The following STARD13 variants were observed in gnomAD, a reference collection of about 807,000 sequenced individuals.
STARD13 encodes StAR related lipid transfer domain containing 13, also known as stAR-related lipid transfer protein 13.
In STARD13, 62 loss-of-function variants were observed where a neutral mutation model predicts 106.4. The observed-to-expected ratio is 0.58, with a 90% CI of 0.48 to 0.72. The LOEUF (loss-of-function observed/expected upper bound fraction) is 0.72, where lower values mean the gene tolerates loss of function less well. Ranked by LOEUF, STARD13 falls within the 30% of genes least tolerant of loss-of-function variation. The probability of loss-of-function intolerance (pLI) is 0.00; values close to 1 mark genes in which losing one functional copy is unlikely to be tolerated. For missense variants in STARD13, 1,387 were observed against 1,424.0 expected, an observed-to-expected ratio of 0.97 and a Z score of 0.42; for synonymous variants, 565 against 553.0, an observed-to-expected ratio of 1.02 and a Z score of -0.31.
chr13:33,163,495 C>A (rs1227456627), intron 3 of STARD13, among the ~76,000 whole-genome samples: 1 of 148,842 alleles, frequency 6.7e-6, no homozygotes, highest in Non-Finnish European at 1.5e-5. Context: ...GAGGCTGTGG[C>A]AGGAGAATCA....
At chr13:33,614,566 C>G in the STARD13 span, among the ~76,000 whole-genome samples, 2 of 152,032 alleles carry the variant, frequency 1.3e-5, no homozygotes, top group African/African-American at 4.8e-5. Flanking sequence ...GTGGGGGACA[C>G]AGGCAACACA....
Position 33,214,014 on chromosome 13 carries a change from T to A in STARD13, c.170-46392A>T, listed in dbSNP as rs565306741. On this transcript the variant is annotated intron_variant, in intron 1 of 13. Coordinates refer to ENST00000336934, the MANE Select transcript of STARD13 (RefSeq NM_178006.4). ...TGGATTTCTTCCACTATTTTGAAGA[T>A]TACTTCACCTCTCCCGGCCTCACCC... Among the ~76,000 whole-genome samples, 3 of 152,300 alleles carry A rather than the reference T, an allele frequency of 2.0e-5. No homozygotes were observed. In the South Asian group the frequency reaches 6.2e-4, roughly 32 times the overall value.
intron 1 of STARD13, among the ~76,000 whole-genome samples, chr13:33,264,552 C>A (rs2138336562): frequency 6.6e-6 from 1 of 152,288 alleles, no homozygotes; most frequent in East Asian, 1.9e-4. Context: ...AGAAGGGTTG[C>A]AGAGGTTATG....
At chr13:33,295,516 T>G (rs1463287439) in intron 1 of STARD13, among the ~76,000 whole-genome samples, 1 of 152,250 alleles carries the variant, frequency 6.6e-6, no homozygotes, top group Non-Finnish European at 1.5e-5. Context: ...CCATTTCCTT[T>G]ACCCTTTTTT....
chr13:33,113,654 C>T (rs1047893155), intron 8 of STARD13: 2 of 465,038 alleles, frequency 4.3e-6, no homozygotes, highest in East Asian at 1.3e-4. Context: ...GAAATGGAGG[C>T]TGTGCTTGGA....
intron 1 of STARD13, among the ~76,000 whole-genome samples, chr13:33,234,993 A>T (rs1594143414): frequency 6.6e-6 from 1 of 152,312 alleles, no homozygotes; most frequent in East Asian, 1.9e-4. Flanking sequence ...TTATCACAGA[A>T]AATGTAAAAA....
chr13:33,284,377 T>G (rs1891950082), intron 1 of STARD13, among the ~76,000 whole-genome samples: 1 of 152,218 alleles, frequency 6.6e-6, no homozygotes, highest in African/African-American at 2.4e-5. Flanking sequence ...CCCAACTTCC[T>G]CTTTAATATT....
the STARD13 span, among the ~76,000 whole-genome samples, chr13:33,380,251 C>G: frequency 6.6e-6 from 1 of 151,906 alleles, no homozygotes; most frequent in East Asian, 1.9e-4. Context: ...CCCGTCTCTA[C>G]TAAAAATACA....
chr13:33,117,318 C>T (rs1366392091), intron 8 of STARD13, among the ~76,000 whole-genome samples: 1 of 152,120 alleles, frequency 6.6e-6, no homozygotes, highest in East Asian at 1.9e-4. Flanking sequence ...ACCATGTTGG[C>T]CAGGCTGGTC....
At chr13:33,524,361 G>T in the STARD13 span, 5 of 929,644 alleles carry the variant, frequency 5.4e-6, no homozygotes, top group Non-Finnish European at 5.6e-6. Flanking sequence ...TACTCTCCAG[G>T]TTTATAGAAT....
the STARD13 span, among the ~76,000 whole-genome samples, chr13:33,414,383 A>G: frequency 2.0e-4 from 31 of 152,178 alleles, no homozygotes; most frequent in African/African-American, 7.2e-4. Flanking sequence ...GTCCCACTGT[A>G]AACAACTTGG....
chr13:33,337,317 A>G (rs749279413), intron 1 of STARD13, among the ~76,000 whole-genome samples: 1 of 150,138 alleles, frequency 6.7e-6, no homozygotes, highest in African/African-American at 2.4e-5. Flanking sequence ...CTAATCTATT[A>G]TGAGCATTGT....
rs773042646 is a variant in STARD13, at chr13:33,110,872, C to G, written c.2643G>C (p.Ser881=). The G allele has an allele frequency of 1.2e-6, 2 of 1,613,488 alleles. No individual in the cohort carries two copies. The highest frequency in any genetic ancestry group is 3.3e-5 in the Admixed American group (2 of 60,006). Residue 881 remains serine (S), a synonymous_variant, in exon 11 of 14, where the codon TCG becomes TCC. Transcript: ENST00000336934. ...PHELVAQSRN[S]YVEAEIHVPT... ...GCACGTGGATCTCAGCCTCCACATA[C>G]GAGTTACGAGACTGGGCCACCAACT... is the stretch of plus-strand genomic sequence containing the variant.
At chr13:33,584,200 G>A in the STARD13 span, among the ~76,000 whole-genome samples, 6 of 152,134 alleles carry the variant, frequency 3.9e-5, no homozygotes, top group African/African-American at 1.4e-4. Context: ...TTGCTATAAA[G>A]AAATACCTGA....
Position 33,124,843 on chromosome 13 carries a change from C to T in STARD13, c.2082+1238G>A, listed in dbSNP as rs1044435267. On this transcript the variant is annotated intron_variant, in intron 7 of 13. Coordinates refer to ENST00000336934, the MANE Select transcript of STARD13 (RefSeq NM_178006.4). ...AGAACCCTAGAAAAGTAGCCTGTCA[C>T]CCTTATTTCTGGGGAATAAGAGGCA... 4.6e-5 allele frequency among the ~76,000 whole-genome samples: 7 copies of T among 152,302 alleles called. No homozygotes were observed. In the East Asian group the frequency reaches 1.3e-3, roughly 29 times the overall value.
At chr13:33,383,916 G>A in the STARD13 span, among the ~76,000 whole-genome samples, 5 of 152,168 alleles carry the variant, frequency 3.3e-5, no homozygotes, top group African/African-American at 1.2e-4. Context: ...GTCGGGGGAG[G>A]GGAAGTGGTT....
Position 33,106,840 on chromosome 13 carries a change from C to T in STARD13, c.3142G>A (p.Val1048Met). The change falls in exon 13 of 14, where the codon GTG becomes ATG. Residue 1048 changes from valine (V) to methionine (M), a missense_variant. Coordinates refer to ENST00000336934, the MANE Select transcript of STARD13 (RefSeq NM_178006.4). ...EAQLLGGVRA[V>M]VMDSQYLIEP... ...ATCAAGTACTGCGAGTCCATCACCA[C>T]TGCTCGCACACCACCCAGGAGCTGG... 1 of 1,614,206 alleles carries T rather than the reference C, an allele frequency of 6.2e-7. No homozygotes were observed. Among genetic ancestry groups the T allele is most frequent in the Non-Finnish European group, 8.5e-7 (1 of 1,180,024 alleles).
the STARD13 span, among the ~76,000 whole-genome samples, chr13:33,663,081 T>G: frequency 6.6e-6 from 1 of 152,184 alleles, no homozygotes; most frequent in East Asian, 1.9e-4. Context: ...CAAACAATAT[T>G]ACTTTCTTTT....
At chr13:33,107,876 T>C (rs996772339) in intron 12 of STARD13, among the ~76,000 whole-genome samples, 31 of 152,154 alleles carry the variant, frequency 2.0e-4, no homozygotes, top group Admixed American at 1.9e-3. Flanking sequence ...ATTATTAGAA[T>C]TCCCATGATT....
Sources: gnomAD v4.1 joint callset for allele counts (sites outside exome capture counted in the v4.1 genomes callset) on GRCh38, gnomAD v4.1.1 for gene constraint, MANE v1.5 for transcripts, NCBI Gene and HGNC (gene_info 2026-07-23, HGNC 2026-07-21) for gene names.